Variants in NEGR1 observed in about 807,000 individuals in gnomAD.
The protein encoded by NEGR1 is IgLON family member 4.
Under a neutral mutation model 40.9 loss-of-function variants are expected in NEGR1, and 10 were observed. The observed-to-expected ratio is 0.24, with a 90% CI of 0.15 to 0.42. The LOEUF (loss-of-function observed/expected upper bound fraction) is 0.42. NEGR1 is among the 10% of genes least tolerant of loss of function. NEGR1 has a pLI of 1.00. For missense variants in NEGR1, 352 were observed against 438.9 expected, an observed-to-expected ratio of 0.80 and a Z score of 1.77; for synonymous variants, 185 against 166.8, an observed-to-expected ratio of 1.11 and a Z score of -0.84.
intron 2 of NEGR1, among the ~76,000 whole-genome samples, chr1:71,816,013 G>T (rs756167547): frequency 5.3e-5 from 8 of 152,024 alleles, no homozygotes; most frequent in Non-Finnish European, 1.2e-4. Context: ...ATTTCAAGGT[G>T]CATCAATAAA....
intron 3 of NEGR1, among the ~76,000 whole-genome samples, chr1:71,730,278 G>A (rs1459794): frequency 0.49 from 74,981 of 151,652 alleles, 18,888 homozygotes; most frequent in East Asian, 0.78. Context: ...GATTACATTA[G>A]TAGTGAAAAC....
At chr1:72,245,345 A>AT (rs1232478478) in intron 1 of NEGR1, among the ~76,000 whole-genome samples, 1 of 152,090 alleles carries the variant, frequency 6.6e-6, no homozygotes, top group Non-Finnish European at 1.5e-5. Context: ...AAAGAAATGT[A>AT]TAGGTCCAAA....
intron 1 of NEGR1, among the ~76,000 whole-genome samples, chr1:72,238,598 C>CT (rs1405513886): frequency 6.6e-6 from 1 of 151,840 alleles, no homozygotes; most frequent in African/African-American, 2.4e-5. Flanking sequence ...TACCATCCTC[C>CT]TGAGGCACCT....
intron 6 of NEGR1, among the ~76,000 whole-genome samples, chr1:71,446,410 A>G (rs976754561): frequency 6.6e-6 from 1 of 152,222 alleles, no homozygotes; most frequent in Non-Finnish European, 1.5e-5. Flanking sequence ...TCATAGAATT[A>G]TGAAACAAGC....
chr1:72,167,509 T>C (rs146262744), intron 1 of NEGR1, among the ~76,000 whole-genome samples: 1 of 152,182 alleles, frequency 6.6e-6, no homozygotes, highest in Admixed American at 6.6e-5. Context: ...AAATCATATA[T>C]AGTGTTATAT....
chr1:71,490,656 T>C (rs1211654903), intron 6 of NEGR1, among the ~76,000 whole-genome samples: 1 of 151,930 alleles, frequency 6.6e-6, no homozygotes, highest in African/African-American at 2.4e-5. Context: ...GGCAATGACA[T>C]GAAAGGGAAG....
intron 6 of NEGR1, among the ~76,000 whole-genome samples, chr1:71,550,654 C>T (rs1648046558): frequency 6.6e-6 from 1 of 151,626 alleles, no homozygotes; most frequent in Non-Finnish European, 1.5e-5. Flanking sequence ...CCTGAGACCA[C>T]AGCCTAGACT....
chr1:71,784,076 C>T (rs149703430), intron 2 of NEGR1, among the ~76,000 whole-genome samples: 5 of 152,250 alleles, frequency 3.3e-5, no homozygotes, highest in Non-Finnish European at 7.4e-5. Context: ...TGATATTGGA[C>T]AAGGCTTTTT....
intron 2 of NEGR1, among the ~76,000 whole-genome samples, chr1:71,886,685 C>G (rs940569756): frequency 6.6e-6 from 1 of 152,008 alleles, no homozygotes; most frequent in Non-Finnish European, 1.5e-5. Flanking sequence ...TTGCCTTAAA[C>G]GGAGATATAT....
At position 72,230,000 on chromosome 1, in the gene NEGR1, T is replaced by C. The variant is rs189664895; in HGVS notation, c.176+52319A>G. Among the ~76,000 whole-genome samples the C allele has an allele frequency of 5.7e-3, 865 of 152,176 alleles. 16 individuals are homozygous for C. Among genetic ancestry groups the C allele is most frequent in the Non-Finnish European group, 4.4e-3 (298 of 67,986 alleles). ...AATATATCATACAGATAATCACTGGTTCAGTGGGAGTTCTCTGATTGCACA... is the reference window on the plus strand; with the variant it reads ...AATATATCATACAGATAATCACTGGCTCAGTGGGAGTTCTCTGATTGCACA... On this transcript the variant is annotated intron_variant, in intron 1 of 6. Coordinates refer to ENST00000357731, the MANE Select transcript of NEGR1 (RefSeq NM_173808.3).
At chr1:72,048,185 C>G (rs749282701) in intron 1 of NEGR1, among the ~76,000 whole-genome samples, 5 of 151,568 alleles carry the variant, frequency 3.3e-5, no homozygotes, top group Non-Finnish European at 5.9e-5. Context: ...TTTTTTGCAG[C>G]TTTTCCTTAT....
chr1:72,079,086 AATATATAT>A (rs67575298), intron 1 of NEGR1, among the ~76,000 whole-genome samples: 2,445 of 142,326 alleles, frequency 0.017, 69 homozygotes, highest in African/African-American at 0.055. Context: ...CATTTAACAG[AATATATAT>A]ATATATATAT....
chr1:71,927,764 G>T (rs1051330342), intron 2 of NEGR1, among the ~76,000 whole-genome samples: 1 of 137,700 alleles, frequency 7.3e-6, no homozygotes, highest in African/African-American at 2.7e-5. Context: ...TGGGTAGATC[G>T]CCTGAGCCCA....
At chr1:71,528,745 G>T (rs1167284995) in intron 6 of NEGR1, among the ~76,000 whole-genome samples, 1 of 151,094 alleles carries the variant, frequency 6.6e-6, no homozygotes, top group Non-Finnish European at 1.5e-5. Context: ...ATAGCTGTAG[G>T]CATTTCAATA....
At chr1:72,127,793 AG>A (rs1280230939) in intron 1 of NEGR1, among the ~76,000 whole-genome samples, 2 of 152,170 alleles carry the variant, frequency 1.3e-5, no homozygotes, top group Admixed American at 1.3e-4. Flanking sequence ...TAATTCTAAA[AG>A]GGGAAGCCAG....
At chr1:71,922,368 C>T (rs923623608) in intron 2 of NEGR1, among the ~76,000 whole-genome samples, 1 of 151,994 alleles carries the variant, frequency 6.6e-6, no homozygotes, top group Non-Finnish European at 1.5e-5. Context: ...GGTGTGGGGG[C>T]AACATAGAGC....
chr1:72,137,119 G>A (rs1437045605), intron 1 of NEGR1, among the ~76,000 whole-genome samples: 2 of 152,264 alleles, frequency 1.3e-5, no homozygotes, highest in African/African-American at 4.8e-5. Flanking sequence ...AGGATGTGAA[G>A]AAACAGGAAC....
chr1:71,476,347 CAA>C (rs1646820703), intron 6 of NEGR1, among the ~76,000 whole-genome samples: 1 of 152,056 alleles, frequency 6.6e-6, no homozygotes, highest in Non-Finnish European at 1.5e-5. Context: ...ATAAAATAAG[CAA>C]TATATGACTA....
intron 1 of NEGR1, among the ~76,000 whole-genome samples, chr1:72,184,990 A>G (rs6703443): frequency 6.6e-6 from 1 of 151,834 alleles, no homozygotes; most frequent in African/African-American, 2.4e-5. Context: ...AGTAAGTTAC[A>G]AAAACTCTAT....
Sources: gnomAD v4.1 joint callset for allele counts (sites outside exome capture counted in the v4.1 genomes callset) on GRCh38, gnomAD v4.1.1 for gene constraint, MANE v1.5 for transcripts, NCBI Gene and HGNC (gene_info 2026-07-23, HGNC 2026-07-21) for gene names.